Variants in NRG1 observed in about 807,000 individuals in gnomAD.
The protein encoded by NRG1 is neuregulin 1, also known as pro-neuregulin-1, membrane-bound isoform.
In NRG1, 18 loss-of-function variants were observed where a neutral mutation model predicts 63.8. That is an observed-to-expected ratio of 0.28 (90% confidence interval 0.19 to 0.42). The LOEUF (loss-of-function observed/expected upper bound fraction) is 0.42, where lower values mean the gene tolerates loss of function less well. Ranked by LOEUF, NRG1 falls within the 10% of genes least tolerant of loss-of-function variation. The pLI is 1.00. For synonymous variants in NRG1, 302 were observed against 301.3 expected, an observed-to-expected ratio of 1.00 and a Z score of -0.02; for missense variants, 762 against 814.7, an observed-to-expected ratio of 0.94 and a Z score of 0.79.
intron 1 of NRG1, among the ~76,000 whole-genome samples, chr8:32,402,267 C>T (rs1475582064): frequency 6.6e-6 from 1 of 152,086 alleles, no homozygotes; most frequent in African/African-American, 2.4e-5. Flanking sequence ...AGCTCATTGT[C>T]TATCTAACAC....
chr8:32,718,448 C>T (rs1819795249), intron 5 of NRG1, among the ~76,000 whole-genome samples: 1 of 152,152 alleles, frequency 6.6e-6, no homozygotes, highest in East Asian at 1.9e-4. Context: ...CTTCACTAGT[C>T]TCATCTCCAT....
At chr8:31,821,977 A>C (rs1024666718) in intron 1 of NRG1, among the ~76,000 whole-genome samples, 6 of 152,176 alleles carry the variant, frequency 3.9e-5, no homozygotes, top group African/African-American at 1.4e-4. Flanking sequence ...TTTTCTTTAT[A>C]CATACACAAT....
rs555712845 is a variant in NRG1 at position 31,968,886 on chromosome 8, T to C, written c.37+329455T>C. ...AGAGGCATTACCAATTACAGGCCTATACTATAACTGTGCCTTTAACATCAC... is the reference window on the plus strand; with the variant it reads ...AGAGGCATTACCAATTACAGGCCTACACTATAACTGTGCCTTTAACATCAC... On this transcript the variant is annotated intron_variant, in intron 1 of 10. Transcript: ENST00000519301. Among the ~76,000 whole-genome samples the C allele has an allele frequency of 4.6e-5, 7 of 152,332 alleles. No homozygotes were observed. The South Asian group carries it at 1.4e-3, about 32-fold the overall frequency.
At chr8:31,779,647 A>G (rs1819489647) in intron 1 of NRG1, among the ~76,000 whole-genome samples, 1 of 152,186 alleles carries the variant, frequency 6.6e-6, no homozygotes, top group Non-Finnish European at 1.5e-5. Context: ...ATCAAGTAAG[A>G]TTCTGTCCTA....
intron 1 of NRG1, among the ~76,000 whole-genome samples, chr8:31,644,986 G>T (rs1216345873): frequency 6.6e-6 from 1 of 152,082 alleles, no homozygotes; most frequent in Non-Finnish European, 1.5e-5. Flanking sequence ...CAAGCAATTT[G>T]TTACCACCCC....
chr8:32,416,818 G>A lies in NRG1; in HGVS notation c.38-179010G>A, dbSNP rs559277844. On this transcript the variant is annotated intron_variant, in intron 1 of 10. Transcript: ENST00000519301. ...TCCTCCTACAACAGCCTCTGAAGTC[G>A]TTGGGACCACAGGTGCACCACCACG... Among the ~76,000 whole-genome samples, 71 of 152,120 alleles carry A rather than the reference G, an allele frequency of 4.7e-4. 1 individual carries two copies. The highest frequency in any genetic ancestry group is 6.8e-3 in the Middle Eastern group (2 of 294).
intron 1 of NRG1, among the ~76,000 whole-genome samples, chr8:32,315,684 C>T (rs1412520419): frequency 6.6e-6 from 1 of 152,156 alleles, no homozygotes; most frequent in Admixed American, 6.5e-5. Flanking sequence ...GAATCTGACA[C>T]CTGCTAGACA....
intron 1 of NRG1, among the ~76,000 whole-genome samples, chr8:32,056,130 A>G (rs1174681295): frequency 2.0e-5 from 3 of 152,182 alleles, no homozygotes; most frequent in African/African-American, 7.2e-5. Flanking sequence ...TGAGAAATGC[A>G]TCTGTCTGAC....
At chr8:32,380,116 C>G (rs80193963) in intron 1 of NRG1, among the ~76,000 whole-genome samples, 3,670 of 152,230 alleles carry the variant, frequency 0.024, 141 homozygotes, top group African/African-American at 0.084. Context: ...CTCCACATTG[C>G]CAAATTCAGT....
chr8:32,634,166 A>C (rs545304762), intron 5 of NRG1, among the ~76,000 whole-genome samples: 2 of 151,894 alleles, frequency 1.3e-5, no homozygotes, highest in African/African-American at 4.8e-5. Context: ...TGTCTGTGGA[A>C]AAACTTTGAA....
rs1816336488 is a variant in NRG1, at chr8:32,706,114, GT to G, written c.503-21832del. On this transcript the variant is annotated intron_variant, in intron 5 of 11. Transcript: ENST00000356819. ...ACTGATAAAAATTATCCAAACTCAG[GT>G]TTAGATGCCTATAGCAGTTTCACAA... 2.6e-5 allele frequency among the ~76,000 whole-genome samples: 4 copies of G among 152,260 alleles called. No individual in the cohort carries two copies. In the South Asian group the frequency reaches 8.3e-4, roughly 32 times the overall value.
chr8:32,478,660 A>G (rs1824846739), intron 1 of NRG1, among the ~76,000 whole-genome samples: 1 of 152,224 alleles, frequency 6.6e-6, no homozygotes, highest in Admixed American at 6.5e-5. Flanking sequence ...ATATCCAAGG[A>G]AGACAGAAGT....
intron 1 of NRG1, among the ~76,000 whole-genome samples, chr8:31,826,017 A>G (rs1057082642): frequency 6.6e-6 from 1 of 152,040 alleles, no homozygotes; most frequent in Non-Finnish European, 1.5e-5. Flanking sequence ...AGAAAAGTTC[A>G]CCTCCTTCAT....
At chr8:32,017,153 C>G (rs558258384) in intron 1 of NRG1, among the ~76,000 whole-genome samples, 1 of 152,122 alleles carries the variant, frequency 6.6e-6, no homozygotes, top group Admixed American at 6.5e-5. Flanking sequence ...AGTTGACATT[C>G]AGAAAAAGTA....
At chr8:32,059,332 G>A (rs1823480810) in intron 1 of NRG1, among the ~76,000 whole-genome samples, 1 of 151,614 alleles carries the variant, frequency 6.6e-6, no homozygotes, top group East Asian at 1.9e-4. Flanking sequence ...ACTCCACACT[G>A]GACTTACAAC....
rs1179846446 is a variant in NRG1, at chr8:32,635,000, AAT to A, written c.502+18117_502+18118del. On this transcript the variant is annotated intron_variant, in intron 5 of 11. Coordinates refer to ENST00000356819, the Ensembl canonical transcript of NRG1. ...TTGCATACTGATTGTAAAGATTATAAATAAGAACTGATGTATATATATTACTT... is the reference window on the plus strand; with the variant it reads ...TTGCATACTGATTGTAAAGATTATAAAAGAACTGATGTATATATATTACTT... Among the ~76,000 whole-genome samples the A allele has an allele frequency of 2.6e-5, 4 of 152,202 alleles. No homozygotes were observed. The East Asian group carries it at 7.7e-4, about 29-fold the overall frequency.
At chr8:32,668,986 A>G (rs183815942) in intron 5 of NRG1, among the ~76,000 whole-genome samples, 4 of 152,348 alleles carry the variant, frequency 2.6e-5, no homozygotes, top group Admixed American at 1.3e-4. Context: ...TAATATAGGA[A>G]TACAGTAAAG....
chr8:32,669,872 T>C (rs1805172733), intron 5 of NRG1, among the ~76,000 whole-genome samples: 1 of 152,316 alleles, frequency 6.6e-6, no homozygotes, highest in South Asian at 2.1e-4. Flanking sequence ...TTAAAGAACA[T>C]TGGACTAGTG....
At chr8:32,731,222 T>C (rs1022429847) in intron 6 of NRG1, among the ~76,000 whole-genome samples, 10 of 152,206 alleles carry the variant, frequency 6.6e-5, no homozygotes, top group Non-Finnish European at 1.5e-4. Context: ...AACTGCAATT[T>C]TTCTTCACTC....
Sources: allele counts gnomAD v4.1 joint callset (sites outside exome capture counted in the v4.1 genomes callset), GRCh38; gene constraint gnomAD v4.1.1; transcripts MANE v1.5; gene names NCBI Gene and HGNC (gene_info 2026-07-23, HGNC 2026-07-21).